MYL4: variants seen among roughly 807,000 people sequenced by gnomAD.
MYL4 encodes atrial myosin light chain 1.
Under a neutral mutation model 21.6 loss-of-function variants are expected in MYL4, and 16 were observed. That is an observed-to-expected ratio of 0.74 (90% confidence interval 0.50 to 1.12). The LOEUF is 1.12. Among genes scored for constraint, MYL4 ranks in the 50% most tolerant of loss-of-function variants. The probability of loss-of-function intolerance (pLI) is 0.00; values close to 1 mark genes in which losing one functional copy is unlikely to be tolerated. For missense variants in MYL4, 249 were observed against 252.9 expected (o/e 0.98, Z 0.11); for synonymous variants, 82 against 95.7 (o/e 0.86, Z 0.83).
At chr17:47,192,595 A>T in the MYL4 span, among the ~76,000 whole-genome samples, 3 of 151,558 alleles carry the variant, frequency 2.0e-5, no homozygotes, top group African/African-American at 7.3e-5. Flanking sequence ...GCTTGCGGTG[A>T]GCTGAGATCG....
downstream of MYL4, among the ~76,000 whole-genome samples, chr17:47,225,742 G>T (rs928765087): frequency 6.6e-6 from 1 of 151,908 alleles, no homozygotes; most frequent in African/African-American, 2.4e-5. Context: ...CTACCTCGCA[G>T]ACTGCTCTTT....
chr17:47,209,653 G>A (rs753654052), intron 1 of MYL4, 96 bp downstream of exon 1: 31 of 1,591,308 alleles, frequency 1.9e-5, no homozygotes, highest in African/African-American at 2.7e-5. Context: ...GGCTGGACTG[G>A]GATGAGGACT....
Position 47,209,362 on chromosome 17 carries a change from A to ATGAGATGGT in MYL4, c.-61_-60insTGAGATGGT. 1.9e-6 allele frequency: 3 copies of ATGAGATGGT among 1,611,154 alleles called. No homozygotes were observed. Among genetic ancestry groups the ATGAGATGGT allele is most frequent in the Non-Finnish European group, 2.5e-6 (3 of 1,178,254 alleles). ...CCCAGGCTCCTATCTCATCTCCCAG[A>ATGAGATGGT]CGCCACGTCTCTCGGTTTCTTCTTA... On this transcript the variant is annotated 5_prime_UTR_variant, in exon 1 of 7. The change creates a new upstream start codon in the 5' untranslated region. Coordinates refer to ENST00000393450, the MANE Select transcript of MYL4 (RefSeq NM_002476.2).
chr17:47,222,340 T>C, intron 4 of MYL4, 40 bp from the exon 5 acceptor site: 1 of 1,592,116 alleles, frequency 6.3e-7, no homozygotes, highest in Non-Finnish European at 8.6e-7. Flanking sequence ...TCCTTTGCCA[T>C]CTGTAATTAA....
upstream of MYL4, among the ~76,000 whole-genome samples, chr17:47,207,408 C>A (rs942728154): frequency 2.6e-5 from 4 of 152,156 alleles, no homozygotes; most frequent in Non-Finnish European, 5.9e-5. Flanking sequence ...AGATTCCTTG[C>A]CTGTAAAACA....
the MYL4 span, among the ~76,000 whole-genome samples, chr17:47,191,250 G>A: frequency 6.6e-6 from 1 of 152,198 alleles, no homozygotes; most frequent in Non-Finnish European, 1.5e-5. Flanking sequence ...TGTGCCATGG[G>A]AGGAGTTTTT....
downstream of MYL4, among the ~76,000 whole-genome samples, chr17:47,227,125 G>A (rs1021701251): frequency 1.3e-5 from 2 of 152,118 alleles, no homozygotes; most frequent in Admixed American, 1.3e-4. Flanking sequence ...CAAAGTGCTG[G>A]GATTACAGGT....
At chr17:47,211,171 AT>A (rs770851185) in intron 1 of MYL4, among the ~76,000 whole-genome samples, 38 of 152,122 alleles carry the variant, frequency 2.5e-4, no homozygotes, top group Admixed American at 9.2e-4. Context: ...TAGAAAAAAA[AT>A]AGGTATCTTT....
chr17:47,208,840 G>A, upstream of MYL4, among the ~76,000 whole-genome samples: 1 of 152,144 alleles, frequency 6.6e-6, no homozygotes, highest in East Asian at 1.9e-4. Context: ...TTGGGAGGGT[G>A]TGGGGCAGTG....
downstream of MYL4, among the ~76,000 whole-genome samples, chr17:47,225,026 T>TC (rs2149050481): frequency 6.6e-6 from 1 of 152,300 alleles, no homozygotes; most frequent in African/African-American, 2.4e-5. Context: ...GGTCCAGTCA[T>TC]CCCAGAAAGG....
chr17:47,212,759 T>C (rs150456557), intron 1 of MYL4, among the ~76,000 whole-genome samples: 145 of 152,344 alleles, frequency 9.5e-4, no homozygotes, highest in Admixed American at 2.3e-3. Flanking sequence ...GCTGAAACTG[T>C]CATGTTTGGG....
upstream of MYL4, among the ~76,000 whole-genome samples, chr17:47,199,852 C>G (rs572670163): frequency 6.6e-6 from 1 of 151,198 alleles, no homozygotes; most frequent in African/African-American, 2.4e-5. Flanking sequence ...CCTCCCACCT[C>G]AGCCTCTGGA....
intron 2 of MYL4, among the ~76,000 whole-genome samples, chr17:47,216,851 C>T (rs774146007): frequency 2.6e-5 from 4 of 152,062 alleles, no homozygotes; most frequent in African/African-American, 4.8e-5. Context: ...TGCATCACCA[C>T]GCTCAGATAA....
intron 4 of MYL4, 104 bp downstream of exon 4, chr17:47,221,959 T>C (rs2064859886): frequency 7.8e-6 from 10 of 1,279,702 alleles, no homozygotes; most frequent in Non-Finnish European, 1.1e-5. Context: ...TACAAGGGTC[T>C]TTGCATCCTG....
At position 47,221,835 on chromosome 17, in the gene MYL4, G is replaced by A. The variant is rs757162928; in HGVS notation, c.467G>A (p.Arg156Gln). Reference sequence around the variant, plus strand: ...GGCACGGTCATGGGTGCTGAGCTTCGGCACGTCCTTGCCACCCTGGGTATG... The same window carrying A: ...GGCACGGTCATGGGTGCTGAGCTTCAGCACGTCCTTGCCACCCTGGGTATG... Reference protein sequence around the residue: ...SNGTVMGAELRHVLATLGEKM... With the variant: ...SNGTVMGAELQHVLATLGEKM... Residue 156 changes from arginine (R) to glutamine (Q), a missense_variant, in exon 4 of 7, where the codon CGG (arginine) becomes CAG (glutamine). Physicochemically the swap from Arg to Gln is conservative, Grantham distance 43. Transcript: ENST00000393450. 12 of 1,613,686 alleles carry A rather than the reference G, an allele frequency of 7.4e-6. No individual in the cohort carries two copies. In the South Asian group the frequency reaches 7.7e-5, roughly 10 times the overall value.
At chr17:47,224,224 T>C (rs12451565), downstream of MYL4, among the ~76,000 whole-genome samples, 1,180 of 152,292 alleles carry the variant, frequency 7.7e-3, 26 homozygotes, top group African/African-American at 0.027. Flanking sequence ...CAGTTCCACA[T>C]GGCTGGGGAG....
At chr17:47,194,659 C>A in the MYL4 span, among the ~76,000 whole-genome samples, 6 of 152,076 alleles carry the variant, frequency 3.9e-5, no homozygotes, top group African/African-American at 1.4e-4. Context: ...CCTGTCTTCC[C>A]CCACCCCCCA....
At chr17:47,197,084 C>G (rs2064691497), upstream of MYL4, among the ~76,000 whole-genome samples, 1 of 147,312 alleles carries the variant, frequency 6.8e-6, no homozygotes, top group African/African-American at 2.5e-5. Context: ...CACATAAATC[C>G]TTAAAGGGTT....
At chr17:47,191,024 A>T in the MYL4 span, among the ~76,000 whole-genome samples, 4 of 152,226 alleles carry the variant, frequency 2.6e-5, no homozygotes, top group Admixed American at 1.3e-4. Flanking sequence ...CTCTTTTCAC[A>T]CTGGCCTCTT....
Sources: allele counts gnomAD v4.1 joint callset (sites outside exome capture counted in the v4.1 genomes callset), GRCh38; gene constraint gnomAD v4.1.1; transcripts MANE v1.5; gene names NCBI Gene and HGNC (gene_info 2026-07-23, HGNC 2026-07-21).